Variants in MAPK4 observed in about 807,000 individuals in gnomAD.
MAPK4 encodes Erk3-related.
MAPK4 carries 22 observed loss-of-function variants against 47.7 expected under a neutral mutation model. The observed-to-expected ratio is 0.46, with a 90% CI of 0.33 to 0.66. MAPK4 has a LOEUF of 0.66. Among genes scored for constraint, MAPK4 ranks in the 30% least tolerant of loss-of-function variants. The pLI, the probability that MAPK4 is intolerant of heterozygous loss-of-function variation, is 0.02. For missense variants in MAPK4, 736 were observed against 831.7 expected, an observed-to-expected ratio of 0.88 and a Z score of 1.42; for synonymous variants, 390 against 365.7, an observed-to-expected ratio of 1.07 and a Z score of -0.76.
chr18:50,727,119 A>G (rs1378988577), intron 5 of MAPK4, among the ~76,000 whole-genome samples: 2 of 152,200 alleles, frequency 1.3e-5, no homozygotes, highest in African/African-American at 4.8e-5. Flanking sequence ...TTTTTAAACA[A>G]TTTCTGCCTA....
At chr18:50,715,750 A>G (rs1305324965) in intron 3 of MAPK4, among the ~76,000 whole-genome samples, 2 of 152,228 alleles carry the variant, frequency 1.3e-5, no homozygotes, top group Non-Finnish European at 2.9e-5. Context: ...ACTGTGAGAA[A>G]TAAATGTTTG....
rs1428302310 is a variant in MAPK4, at chr18:50,664,153, G to A, written c.195G>A (p.Glu65=). Residue 65 remains glutamate (E), a synonymous_variant, in exon 2 of 6, where the codon GAG becomes GAA. Transcript: ENST00000400384. This position sits in a 1 kb window ranked among gnomAD's most constrained non-coding sequence, Gnocchi z 6.0. ...DARSMKHALR[E]IKIIRRLDHD... ...GCAGCATGAAGCACGCGCTCCGAGAGATCAAGATCATTCGGCGCCTGGACC... is the reference window on the plus strand; with the variant it reads ...GCAGCATGAAGCACGCGCTCCGAGAAATCAAGATCATTCGGCGCCTGGACC... The A allele has an allele frequency of 4.3e-6, 7 of 1,614,068 alleles. No individual in the cohort carries two copies. The Admixed American group carries it at 8.3e-5, about 19-fold the overall frequency.
intron 1 of MAPK4, among the ~76,000 whole-genome samples, chr18:50,612,689 A>G (rs935442767): frequency 2.0e-5 from 3 of 152,170 alleles, no homozygotes; most frequent in South Asian, 2.1e-4. Flanking sequence ...TGTACATCCT[A>G]TAGCACCCTG....
chr18:50,654,609 G>A (rs1210467411), intron 1 of MAPK4, among the ~76,000 whole-genome samples: 1 of 152,228 alleles, frequency 6.6e-6, no homozygotes, highest in Admixed American at 6.5e-5. Flanking sequence ...AAGGGTCAAA[G>A]GTTGCAGGAG....
intron 2 of MAPK4, chr18:50,704,707 C>A (rs765641476): frequency 2.5e-6 from 1 of 398,624 alleles, no homozygotes; most frequent in East Asian, 3.6e-5. Flanking sequence ...AACTTTGGGG[C>A]CTGGAGGCCT....
chr18:50,635,176 A>G (rs1276069661), intron 1 of MAPK4, among the ~76,000 whole-genome samples: 1 of 152,124 alleles, frequency 6.6e-6, no homozygotes, highest in Non-Finnish European at 1.5e-5. Flanking sequence ...TCCTGTCAGT[A>G]TCTCCTCATG....
chr18:50,563,516 A>T (rs1418183544), intron 1 of MAPK4, among the ~76,000 whole-genome samples: 1 of 152,092 alleles, frequency 6.6e-6, no homozygotes, highest in Admixed American at 6.5e-5. Flanking sequence ...GCTGTCAAGG[A>T]CCTTTGTCTC....
At chr18:50,581,198 T>C (rs2042341066) in intron 1 of MAPK4, among the ~76,000 whole-genome samples, 1 of 152,084 alleles carries the variant, frequency 6.6e-6, no homozygotes, top group African/African-American at 2.4e-5. Context: ...ACGGCAAAGG[T>C]TTATTTGCTT....
At chr18:50,624,348 A>C (rs1456412174) in intron 1 of MAPK4, among the ~76,000 whole-genome samples, 6 of 152,250 alleles carry the variant, frequency 3.9e-5, no homozygotes, top group Non-Finnish European at 7.3e-5. Flanking sequence ...ATATTTGTAC[A>C]ATAAGTTATA....
At chr18:50,646,284 C>A (rs867443428) in intron 1 of MAPK4, among the ~76,000 whole-genome samples, 3 of 152,370 alleles carry the variant, frequency 2.0e-5, no homozygotes, top group African/African-American at 7.2e-5. Flanking sequence ...GCTCTTCCTC[C>A]ATGGGCCTTT....
At position 50,678,744 on chromosome 18, in the gene MAPK4, G is replaced by A. The variant is rs535228495; in HGVS notation, c.546+14240G>A. ...GCTTTCTTCTCTTCCAAGATAACAC[G>A]TTTGCCCTCTGCTGTCCATCATGCA... On this transcript the variant is annotated intron_variant, in intron 2 of 5. Transcript: ENST00000400384. This position sits in a 1 kb window ranked among gnomAD's most constrained non-coding sequence, Gnocchi z 4.2. 5.9e-5 allele frequency among the ~76,000 whole-genome samples: 9 copies of A among 152,146 alleles called. No homozygotes were observed. The South Asian group carries it at 6.2e-4, about 11-fold the overall frequency.
intron 1 of MAPK4, among the ~76,000 whole-genome samples, chr18:50,620,088 C>T (rs2042718506): frequency 6.6e-6 from 1 of 152,222 alleles, no homozygotes; most frequent in Admixed American, 6.5e-5. Context: ...ATTTATTTGT[C>T]CCAAAGATTA....
intron 1 of MAPK4, among the ~76,000 whole-genome samples, chr18:50,601,053 T>C (rs138399480): frequency 3.0e-4 from 45 of 148,832 alleles, no homozygotes; most frequent in Middle Eastern, 6.9e-3. Flanking sequence ...AGCCCAGGGA[T>C]TTGCAACCAT....
chr18:50,621,228 T>G (rs1339612361), intron 1 of MAPK4, among the ~76,000 whole-genome samples: 2 of 152,206 alleles, frequency 1.3e-5, no homozygotes, highest in Admixed American at 6.5e-5. Context: ...CCAAACTGCC[T>G]TCTAGACAGC....
At position 50,664,255 on chromosome 18, in the gene MAPK4, C is replaced by A. The variant is rs200651462; in HGVS notation, c.297C>A (p.Ser99Arg). 2.5e-6 allele frequency: 4 copies of A among 1,613,744 alleles called. No homozygotes were observed. The Admixed American group carries it at 5.0e-5, about 20-fold the overall frequency. Residue 99 changes from serine (S) to arginine (R), a missense_variant, in exon 2 of 6, where the codon AGC becomes AGA. Coordinates refer to ENST00000400384, the MANE Select transcript of MAPK4 (RefSeq NM_002747.4). This position sits in a 1 kb window ranked among gnomAD's most constrained non-coding sequence, Gnocchi z 6.0. The part of the protein sequence containing the change: ...TDLQGELFKF[S>R]VAYIVQEYME... ...TGCAGGGTGAGCTGTTCAAGTTCAG[C>A]GTGGCGTACATCGTCCAGGAGTACA...
intron 5 of MAPK4, 42 bp downstream of exon 5, chr18:50,726,217 C>G: frequency 6.3e-7 from 1 of 1,587,078 alleles, no homozygotes; most frequent in African/African-American, 1.3e-5. Flanking sequence ...TTTCCCTGTC[C>G]TCCCATCTCT....
intron 1 of MAPK4, among the ~76,000 whole-genome samples, chr18:50,606,327 G>A (rs1167308565): frequency 6.6e-6 from 1 of 151,806 alleles, no homozygotes; most frequent in African/African-American, 2.4e-5. Flanking sequence ...GAGGAGTTGG[G>A]ATTTTGTCTT....
intron 2 of MAPK4, among the ~76,000 whole-genome samples, chr18:50,683,453 G>GGTGTGTGTGTGTGTGT (rs3045776): frequency 2.1e-5 from 3 of 142,152 alleles, no homozygotes; most frequent in East Asian, 4.1e-4. Context: ...TTGGTGATGG[G>GGTGTGTGTGTGTGTGT]GTGTGTGTGT....
chr18:50,600,408 C>G (rs2042524952), intron 1 of MAPK4, among the ~76,000 whole-genome samples: 1 of 152,216 alleles, frequency 6.6e-6, no homozygotes, highest in Non-Finnish European at 1.5e-5. Flanking sequence ...TCATGATTAG[C>G]CTCAGAAGGG....
Sources: allele counts gnomAD v4.1 joint callset (sites outside exome capture counted in the v4.1 genomes callset), GRCh38; gene constraint gnomAD v4.1.1; non-coding constraint Gnocchi (gnomAD v3.1); transcripts MANE v1.5; gene names NCBI Gene and HGNC (gene_info 2026-07-23, HGNC 2026-07-21).